Variants in NXN observed in about 807,000 individuals in gnomAD.
The protein encoded by NXN is nucleoredoxin, also known as nucleoredoxin 1.
A neutral mutation model predicts 48.6 loss-of-function variants in NXN; 16 were observed. The observed-to-expected ratio is 0.33, with a 90% confidence interval of 0.22 to 0.50. NXN has a LOEUF of 0.50. Among genes scored for constraint, NXN ranks in the 20% least tolerant of loss-of-function variants. NXN has a pLI of 0.98. For missense variants in NXN, 492 were observed against 605.5 expected (o/e 0.81, Z 1.97); for synonymous variants, 281 against 269.6 (o/e 1.04, Z -0.41).
chr17:870,090 C>T (rs2068135707), intron 1 of NXN, among the ~76,000 whole-genome samples: 1 of 152,102 alleles, frequency 6.6e-6, no homozygotes, highest in Admixed American at 6.6e-5. Context: ...GGATGCTGTC[C>T]ACGTTCTACC....
chr17:921,895 C>A (rs773521305), intron 1 of NXN, among the ~76,000 whole-genome samples: 4 of 152,246 alleles, frequency 2.6e-5, no homozygotes, highest in African/African-American at 7.2e-5. Context: ...TGCCCGCAGT[C>A]TCACCTGTAT....
At chr17:973,502 A>T (rs768202252) in intron 1 of NXN, among the ~76,000 whole-genome samples, 5 of 152,168 alleles carry the variant, frequency 3.3e-5, no homozygotes, top group Non-Finnish European at 5.9e-5. Context: ...ACTTAATAGT[A>T]ACTTAAATCT....
At chr17:963,102 T>C (rs1182327008) in intron 1 of NXN, among the ~76,000 whole-genome samples, 3 of 151,082 alleles carry the variant, frequency 2.0e-5, no homozygotes, top group Non-Finnish European at 4.4e-5. Context: ...ACTTTTAGCC[T>C]CTACCCACCT....
chr17:979,737 G>C lies in NXN; in HGVS notation c.-59C>G, dbSNP rs1316691822. 8.0e-7 allele frequency: 1 copy of C among 1,252,798 alleles called. No individual in the cohort carries two copies. The highest frequency in any genetic ancestry group is 1.0e-6 in the Non-Finnish European group (1 of 993,408). The allele number at this position is 1,252,798 out of a possible 1,614,324, so 77.6% of individuals were successfully genotyped here. A position where few individuals can be genotyped will look rare whatever the true frequency, so the allele number is the denominator to read the frequency against. On this transcript the variant is annotated 5_prime_UTR_variant, in exon 1 of 8. Transcript: ENST00000336868. Reference sequence around the variant, plus strand: ...ACCCCGCTCCACGGTCCGCGCGGCGGGAGGAGGCGGCGGCGTCGGCGGCAG... The same window carrying C: ...ACCCCGCTCCACGGTCCGCGCGGCGCGAGGAGGCGGCGGCGTCGGCGGCAG...
chr17:963,995 T>G (rs1222693099), intron 1 of NXN, among the ~76,000 whole-genome samples: 1 of 152,060 alleles, frequency 6.6e-6, no homozygotes, highest in Non-Finnish European at 1.5e-5. Flanking sequence ...GAGAATGGCG[T>G]GAACCCGGGA....
chr17:800,912 T>G lies in NXN; in HGVS notation c.*37A>C. On this transcript the variant is annotated 3_prime_UTR_variant, in exon 8 of 8. Transcript: ENST00000336868. ...GGAAGGAGGGGGAGGAGGAGAAGGC[T>G]GAGTTTTAAATAACGTCTCAGGAGG... The G allele has an allele frequency of 2.2e-6, 3 of 1,357,690 alleles. No individual in the cohort carries two copies. The highest frequency in any genetic ancestry group is 2.9e-6 in the Non-Finnish European group (3 of 1,037,304). 84.1% of individuals were successfully genotyped at this position (1,357,690 alleles called of 1,614,324 possible).
In NXN at chr17:841,374, C is replaced by T. The variant is rs1011097542; in HGVS notation, c.361-15296G>A. ...CAGGGCTGGGACCCAGAGCAGCCCA[C>T]ACACGGTGCATCTCACGCCGGCGAG... On this transcript the variant is annotated intron_variant, in intron 1 of 7. Coordinates refer to ENST00000336868, the MANE Select transcript of NXN (RefSeq NM_022463.5). Among the ~76,000 whole-genome samples the T allele has an allele frequency of 3.5e-4, 24 of 67,846 alleles. 1 individual carries two copies. In the Admixed American group the frequency reaches 3.7e-3, roughly 11 times the overall value. The allele number at this position is 67,846 out of a possible 152,430, so 44.5% of individuals were successfully genotyped here.
chr17:813,133 TATTCAGA>T (rs1912262940), intron 5 of NXN, among the ~76,000 whole-genome samples: 1 of 152,260 alleles, frequency 6.6e-6, no homozygotes, highest in Non-Finnish European at 1.5e-5. Context: ...AGCTCAGAAA[TATTCAGA>T]ATTCAATCAA....
intron 1 of NXN, among the ~76,000 whole-genome samples, chr17:856,700 G>C (rs2144766081): frequency 6.6e-6 from 1 of 152,062 alleles, no homozygotes; most frequent in Middle Eastern, 3.4e-3. Context: ...ATGTTGGTCA[G>C]GCTGGTCTTG....
chr17:853,540 A>G (rs1334384174), intron 1 of NXN, among the ~76,000 whole-genome samples: 2 of 151,598 alleles, frequency 1.3e-5, no homozygotes, highest in Non-Finnish European at 2.9e-5. Flanking sequence ...CCCTCGCCCC[A>G]GCTAATTCTT....
chr17:942,214 A>G (rs576590563), intron 1 of NXN, among the ~76,000 whole-genome samples: 138 of 141,998 alleles, frequency 9.7e-4, no homozygotes, highest in African/African-American at 3.3e-3. Context: ...CTGGATTTAC[A>G]GTGAACAAGA....
chr17:931,061 A>G (rs2068848177), intron 1 of NXN, among the ~76,000 whole-genome samples: 1 of 151,988 alleles, frequency 6.6e-6, no homozygotes, highest in African/African-American at 2.4e-5. Context: ...GAGCCACCGC[A>G]CCCGGCTGGT....
At position 849,515 on chromosome 17, in the gene NXN, A is replaced by G. The variant is rs1459275593; in HGVS notation, c.361-23437T>C. Reference sequence around the variant, plus strand: ...ACCACTGCACTCCATCCTGGACGACAGACAAAAAAAAAAGATGGGAGCTTC... The same window carrying G: ...ACCACTGCACTCCATCCTGGACGACGGACAAAAAAAAAAGATGGGAGCTTC... On this transcript the variant is annotated intron_variant, in intron 1 of 7. Coordinates refer to ENST00000336868, the MANE Select transcript of NXN (RefSeq NM_022463.5). This position sits in a 1 kb window ranked among gnomAD's most constrained non-coding sequence, Gnocchi z 4.2. 7.1e-6 allele frequency among the ~76,000 whole-genome samples: 1 copy of G among 141,648 alleles called. No individual in the cohort carries two copies. The highest frequency in any genetic ancestry group is 1.6e-5 in the Non-Finnish European group (1 of 63,862). The allele number at this position is 141,648 out of a possible 152,430, so 92.9% of individuals were successfully genotyped here.
At chr17:828,031 C>A (rs915572736) in intron 1 of NXN, among the ~76,000 whole-genome samples, 1 of 152,206 alleles carries the variant, frequency 6.6e-6, no homozygotes, top group Admixed American at 6.5e-5. Context: ...TTTCCCAGCC[C>A]CACCTTTCCG....
At chr17:940,564 G>C (rs1310068204) in intron 1 of NXN, among the ~76,000 whole-genome samples, 1 of 152,216 alleles carries the variant, frequency 6.6e-6, no homozygotes, top group Non-Finnish European at 1.5e-5. Context: ...CTCAGAACCA[G>C]GTACGGACGG....
rs1913066895 is a variant in NXN at position 825,764 on chromosome 17, C to G, written c.478+197G>C. 7.2e-6 allele frequency: 4 copies of G among 556,322 alleles called. No individual in the cohort carries two copies. The highest frequency in any genetic ancestry group is 4.5e-5 in the South Asian group (2 of 44,876). The allele number at this position is 556,322 out of a possible 1,614,324, so 34.5% of individuals were successfully genotyped here. A position where few individuals can be genotyped will look rare whatever the true frequency, so the allele number is the denominator to read the frequency against. The stretch of plus-strand genomic sequence containing the variant: ...AATTAAAGCCCCTAGGAGGGACATT[C>G]TGATCCCTGTGAAAATCTTAAAACC... On this transcript the variant is annotated intron_variant, in intron 2 of 7. Coordinates refer to ENST00000336868, the MANE Select transcript of NXN (RefSeq NM_022463.5). This position sits in a 1 kb window ranked among gnomAD's most constrained non-coding sequence, Gnocchi z 4.1.
At position 920,721 on chromosome 17, in the gene NXN, CT is replaced by C. The variant is rs67399502; in HGVS notation, c.360+58597del. On this transcript the variant is annotated intron_variant, in intron 1 of 7. Transcript: ENST00000336868. This position sits in a 1 kb window ranked among gnomAD's most constrained non-coding sequence, Gnocchi z 4.6. Reference sequence around the variant, plus strand: ...TGGAAGATTCCACCGTTCAGGAAGCCTTTTTTTTTTTTTTCCTTTGAAACAG... The same window carrying C: ...TGGAAGATTCCACCGTTCAGGAAGCCTTTTTTTTTTTTTCCTTTGAAACAG... Among the ~76,000 whole-genome samples, 25,984 of 144,136 alleles carry C rather than the reference CT, an allele frequency of 0.18. 2,701 individuals carry two copies. Among genetic ancestry groups the C allele is most frequent in the East Asian group, 0.46 (2,290 of 4,944 alleles). The allele number at this position is 144,136 out of a possible 152,430, so 94.6% of individuals were successfully genotyped here.
chr17:882,826 G>C (rs9907447), intron 1 of NXN, among the ~76,000 whole-genome samples: 27,468 of 151,800 alleles, frequency 0.18, 2,654 homozygotes, highest in Middle Eastern at 0.33. Context: ...GCAGTGGCGC[G>C]ATCTTGGCTT....
At position 800,788 on chromosome 17, in the gene NXN, T is replaced by A; in HGVS notation, c.*161A>T. On this transcript the variant is annotated 3_prime_UTR_variant, in exon 8 of 8. Coordinates refer to ENST00000336868, the MANE Select transcript of NXN (RefSeq NM_022463.5). ...CCGCTGCTGATTCCACACCCCAGGG[T>A]GCTGGCTGAGGAGTTTACTGCAGAA... The A allele has an allele frequency of 2.3e-6, 1 of 430,066 alleles. No individual in the cohort carries two copies. The highest frequency in any genetic ancestry group is 4.0e-6 in the Non-Finnish European group (1 of 249,710). The allele number at this position is 430,066 out of a possible 1,614,324, so 26.6% of individuals were successfully genotyped here.
Sources: gnomAD v4.1 joint callset for allele counts (sites outside exome capture counted in the v4.1 genomes callset) on GRCh38, gnomAD v4.1.1 for gene constraint, Gnocchi (gnomAD v3.1) non-coding constraint, MANE v1.5 for transcripts, NCBI Gene and HGNC (gene_info 2026-07-23, HGNC 2026-07-21) for gene names.